Variants in CTNND2 observed in about 807,000 individuals in gnomAD.
CTNND2 encodes the protein catenin delta 2, also known as catenin delta-2.
CTNND2 carries 22 observed loss-of-function variants against 144.4 expected under a neutral mutation model. The ratio of observed to expected loss-of-function variants is 0.15; its 90% CI spans 0.11 to 0.22. The LOEUF (loss-of-function observed/expected upper bound fraction) is 0.22. Among genes scored for constraint, CTNND2 ranks in the 10% least tolerant of loss-of-function variants. The pLI, the probability that CTNND2 is intolerant of heterozygous loss-of-function variation, is 1.00. For missense variants in CTNND2, 1,353 were observed against 1,618.8 expected (o/e 0.84, Z 2.82); for synonymous variants, 751 against 695.6 (o/e 1.08, Z -1.25).
Position 11,203,485 on chromosome 5 carries a change from C to A in CTNND2, c.1762-3824G>T, listed in dbSNP as rs1374879524. On this transcript the variant is annotated intron_variant, in intron 10 of 21. Coordinates refer to ENST00000304623, the MANE Select transcript of CTNND2 (RefSeq NM_001332.4). ...TTAGACAGAGTTGCGCTCTGTCACC[C>A]AGGCTGGAGTGCAGTGGCGCGATCT... Among the ~76,000 whole-genome samples, 3 of 152,292 alleles carry A rather than the reference C, an allele frequency of 2.0e-5. No individual in the cohort carries two copies. The East Asian group carries it at 5.8e-4, about 29-fold the overall frequency.
chr5:10,979,309 T>A (rs1736919778), intron 21 of CTNND2, among the ~76,000 whole-genome samples: 1 of 152,252 alleles, frequency 6.6e-6, no homozygotes, highest in African/African-American at 2.4e-5. Flanking sequence ...AAGTGAATAG[T>A]TGGGGCCTCC....
intron 2 of CTNND2, among the ~76,000 whole-genome samples, chr5:11,634,654 A>G (rs1781588287): frequency 6.6e-6 from 1 of 152,196 alleles, no homozygotes; most frequent in Non-Finnish European, 1.5e-5. Flanking sequence ...GTTGCACAAA[A>G]TATAAGATGA....
At chr5:11,140,136 T>C (rs912157378) in intron 12 of CTNND2, among the ~76,000 whole-genome samples, 7 of 152,122 alleles carry the variant, frequency 4.6e-5, no homozygotes, top group Non-Finnish European at 1.0e-4. Flanking sequence ...TCTTCACAGG[T>C]TTTTGGTGAT....
chr5:11,797,052 A>G (rs1284489725), intron 1 of CTNND2, among the ~76,000 whole-genome samples: 2 of 152,236 alleles, frequency 1.3e-5, no homozygotes, highest in East Asian at 1.9e-4. Context: ...AAAGGCAAGT[A>G]TCAGGGAAAA....
chr5:11,858,538 T>C (rs945812533), intron 1 of CTNND2, among the ~76,000 whole-genome samples: 7 of 152,234 alleles, frequency 4.6e-5, no homozygotes, highest in African/African-American at 1.7e-4. Context: ...GCAGATAACT[T>C]ATTGATATAT....
At chr5:11,245,403 G>A (rs958013320) in intron 9 of CTNND2, among the ~76,000 whole-genome samples, 2 of 152,154 alleles carry the variant, frequency 1.3e-5, no homozygotes, top group African/African-American at 4.8e-5. Context: ...TAGCCAGTGG[G>A]CCCTAAATGC....
chr5:11,131,397 T>C (rs1344073600), intron 12 of CTNND2, among the ~76,000 whole-genome samples: 1 of 152,344 alleles, frequency 6.6e-6, no homozygotes, highest in East Asian at 1.9e-4. Context: ...TAAGGGTTTA[T>C]AGATTATTGG....
chr5:11,091,809 C>T (rs1257804234), intron 15 of CTNND2, among the ~76,000 whole-genome samples: 2 of 152,128 alleles, frequency 1.3e-5, no homozygotes, highest in Admixed American at 6.6e-5. Context: ...ACATGAGTGT[C>T]CGATTTCATT....
chr5:11,839,662 G>A (rs1227980216), intron 1 of CTNND2, among the ~76,000 whole-genome samples: 2 of 152,078 alleles, frequency 1.3e-5, no homozygotes, highest in African/African-American at 4.8e-5. Context: ...TCTCCATGTG[G>A]CCTGTTTATG....
intron 3 of CTNND2, among the ~76,000 whole-genome samples, chr5:11,416,798 G>T (rs1761969535): frequency 6.6e-6 from 1 of 152,124 alleles, no homozygotes; most frequent in Non-Finnish European, 1.5e-5. Context: ...AATAAAGTTT[G>T]CTTTTACTGC....
intron 1 of CTNND2, among the ~76,000 whole-genome samples, chr5:11,797,971 G>A (rs1791485276): frequency 6.6e-6 from 1 of 152,050 alleles, no homozygotes; most frequent in Non-Finnish European, 1.5e-5. Flanking sequence ...AATAGTTTGT[G>A]TTTTGGCTGA....
At chr5:11,314,628 G>T (rs1007321766) in intron 9 of CTNND2, among the ~76,000 whole-genome samples, 1 of 152,204 alleles carries the variant, frequency 6.6e-6, no homozygotes, top group African/African-American at 2.4e-5. Flanking sequence ...CAGCCTCCAA[G>T]ATTGCTGGGA....
chr5:11,085,474 G>A (rs1183256837), intron 15 of CTNND2, among the ~76,000 whole-genome samples: 1 of 152,148 alleles, frequency 6.6e-6, no homozygotes, highest in Non-Finnish European at 1.5e-5. Flanking sequence ...TCTCGCTTGT[G>A]TCAGGAAAGG....
intron 2 of CTNND2, among the ~76,000 whole-genome samples, chr5:11,602,472 G>C (rs1263087088): frequency 6.6e-6 from 1 of 151,790 alleles, no homozygotes; most frequent in East Asian, 1.9e-4. Context: ...CAAGAAACAA[G>C]GGCACTGCCC....
rs542870745 is a variant in CTNND2, at chr5:11,588,311, C to T, written c.175-23255G>A. 4.3e-4 allele frequency among the ~76,000 whole-genome samples: 62 copies of T among 145,298 alleles called. No individual in the cohort carries two copies. The East Asian group carries it at 0.012, about 27-fold the overall frequency. On this transcript the variant is annotated intron_variant, in intron 2 of 21. Transcript: ENST00000304623. ...TGGGGTTATTCCTTTAACTGCGCAT[C>T]GAAGGAAAAAAAAAAAAGACCTACA...
chr5:11,061,625 C>T (rs1411150996), intron 16 of CTNND2, among the ~76,000 whole-genome samples: 5 of 152,142 alleles, frequency 3.3e-5, no homozygotes, highest in Admixed American at 2.6e-4. Context: ...CCTGACCACC[C>T]CATTCAACAT....
At chr5:11,650,697 T>C (rs1782604048) in intron 2 of CTNND2, among the ~76,000 whole-genome samples, 1 of 152,224 alleles carries the variant, frequency 6.6e-6, no homozygotes, top group Non-Finnish European at 1.5e-5. Context: ...ACTCTTGCTA[T>C]GCTTTAGCAA....
chr5:11,890,548 A>G (rs970567807), intron 1 of CTNND2, among the ~76,000 whole-genome samples: 15 of 152,206 alleles, frequency 9.9e-5, no homozygotes, highest in Non-Finnish European at 2.2e-4. Context: ...GACTTGATGA[A>G]TTAAAATTTT....
chr5:11,457,448 C>G (rs2149926159), intron 3 of CTNND2, among the ~76,000 whole-genome samples: 1 of 152,290 alleles, frequency 6.6e-6, no homozygotes, highest in East Asian at 1.9e-4. Context: ...ATCACATTAA[C>G]CAATGACATC....
Sources: allele counts gnomAD v4.1 joint callset (sites outside exome capture counted in the v4.1 genomes callset), GRCh38; gene constraint gnomAD v4.1.1; transcripts MANE v1.5; gene names NCBI Gene and HGNC (gene_info 2026-07-23, HGNC 2026-07-21).